The following PRRC2B variants were observed in gnomAD, a reference collection of about 807,000 sequenced individuals.
PRRC2B encodes the protein protein PRRC2B.
In PRRC2B, 68 loss-of-function variants were observed where a neutral mutation model predicts 242.3. That is an observed-to-expected ratio of 0.28 (90% CI 0.23 to 0.34). The LOEUF is 0.34. Among genes scored for constraint, PRRC2B ranks in the 10% least tolerant of loss-of-function variants. PRRC2B has a pLI of 1.00. For synonymous variants in PRRC2B, 1,228 were observed against 1,173.6 expected (o/e 1.05, Z -0.95); for missense variants, 2,835 against 2,954.8 (o/e 0.96, Z 0.94).
chr9:131,478,068 C>A, intron 17 of PRRC2B, 119 bp downstream of exon 17: 1 of 852,940 alleles, frequency 1.2e-6, no homozygotes, highest in Non-Finnish European at 1.8e-6. Flanking sequence ...ACAGCTCGGC[C>A]AGGCCCTGGG....
chr9:131,464,147 G>C (rs1943324522), intron 11 of PRRC2B, among the ~76,000 whole-genome samples: 1 of 152,128 alleles, frequency 6.6e-6, no homozygotes, highest in Admixed American at 6.5e-5. Context: ...TCACCATGTT[G>C]GCCAGGCTGG....
chr9:131,457,245 G>A (rs993552219), intron 10 of PRRC2B, among the ~76,000 whole-genome samples: 11 of 152,224 alleles, frequency 7.2e-5, no homozygotes, highest in African/African-American at 2.7e-4. Context: ...CTATGGGTCA[G>A]TTCCTGGAAC....
chr9:131,478,641 G>A (rs1212266898), intron 18 of PRRC2B, 22 bp downstream of exon 18: 2 of 555,082 alleles, frequency 3.6e-6, no homozygotes, highest in Non-Finnish European at 3.4e-6. Context: ...AGGGTGGGGG[G>A]GCATGGGGCT....
At chr9:131,453,074 G>A (rs894522945) in intron 9 of PRRC2B, among the ~76,000 whole-genome samples, 1 of 152,108 alleles carries the variant, frequency 6.6e-6, no homozygotes, top group Non-Finnish European at 1.5e-5. Context: ...AATACTGTTG[G>A]TTTCTGCTTC....
chr9:131,395,297 C>T (rs1200060259), intron 1 of PRRC2B, among the ~76,000 whole-genome samples: 1 of 151,936 alleles, frequency 6.6e-6, no homozygotes, highest in Non-Finnish European at 1.5e-5. Flanking sequence ...GTTTAGTGTG[C>T]ATTTGATGTG....
chr9:131,421,069 A>T (rs550641348), intron 1 of PRRC2B, among the ~76,000 whole-genome samples: 5 of 152,348 alleles, frequency 3.3e-5, no homozygotes, highest in African/African-American at 1.2e-4. Context: ...GGCTACTTCC[A>T]TGCTACGACG....
intron 15 of PRRC2B, among the ~76,000 whole-genome samples, 189 bp from the exon 16 acceptor site, chr9:131,474,265 T>C (rs1247387012): frequency 1.3e-5 from 2 of 152,248 alleles, no homozygotes; most frequent in Non-Finnish European, 2.9e-5. Context: ...TGTTTAAAGA[T>C]AGAACAAATG....
chr9:131,400,323 TTC>T (rs1407410528), intron 1 of PRRC2B, among the ~76,000 whole-genome samples: 1 of 151,824 alleles, frequency 6.6e-6, no homozygotes, highest in African/African-American at 2.4e-5. Context: ...TTTCTTTTCT[TTC>T]TTTTTTTTTT....
rs1255648598 is a variant in PRRC2B, at chr9:131,495,980, G to A, written c.*106G>A. 2.4e-5 allele frequency: 35 copies of A among 1,480,040 alleles called. No homozygotes were observed. Among genetic ancestry groups the A allele is most frequent in the Admixed American group, 2.1e-4 (11 of 52,070 alleles). The allele number at this position is 1,480,040 out of a possible 1,614,324, so 91.7% of individuals were successfully genotyped here. On this transcript the variant is annotated 3_prime_UTR_variant, in exon 32 of 32. Coordinates refer to ENST00000683519, the MANE Select transcript of PRRC2B (RefSeq NM_013318.4). ...CTCACCAGATCCACCGTCCAAATGC[G>A]TGGCCCAGACTGAGAGACCTCCCTC... is the stretch of plus-strand genomic sequence containing the variant.
At chr9:131,472,854 CCTTTT>C (rs1168039795) in intron 14 of PRRC2B, among the ~76,000 whole-genome samples, 23 of 152,286 alleles carry the variant, frequency 1.5e-4, no homozygotes, top group African/African-American at 4.1e-4. Context: ...TCTTTCTGTG[CCTTTT>C]CTTCTAATTC....
rs192579223 is a variant in PRRC2B at position 131,387,967 on chromosome 9, G to C, written c.-56+14236G>C. ...GCACTTTGGGAGGCCCAGGTGGGTG[G>C]ATCACTTGAGGCCAGGAGTTCAAGA... On this transcript the variant is annotated intron_variant, in intron 1 of 1. Transcript: ENST00000682525. Among the ~76,000 whole-genome samples the C allele has an allele frequency of 2.4e-3, 365 of 150,704 alleles. 15 individuals carry two copies. The highest frequency in any genetic ancestry group is 2.2e-3 in the Non-Finnish European group (149 of 67,616).
chr9:131,441,980 ATT>A (rs56236140), intron 5 of PRRC2B, among the ~76,000 whole-genome samples: 27 of 151,532 alleles, frequency 1.8e-4, no homozygotes, highest in African/African-American at 3.1e-4. Context: ...TTGGTGTGAG[ATT>A]TTTTTTTTTC....
At chr9:131,411,020 C>G (rs1288127551) in intron 1 of PRRC2B, among the ~76,000 whole-genome samples, 1 of 152,080 alleles carries the variant, frequency 6.6e-6, no homozygotes, top group Non-Finnish European at 1.5e-5. Context: ...CTCTGGGAGG[C>G]CGAGGAGGGC....
intron 3 of PRRC2B, among the ~76,000 whole-genome samples, chr9:131,435,525 G>C (rs1009724246): frequency 6.6e-6 from 1 of 151,548 alleles, no homozygotes; most frequent in Non-Finnish European, 1.5e-5. Flanking sequence ...TGAGGCAGGA[G>C]AATCGCTTGA....
chr9:131,467,410 T>C (rs761709186), intron 12 of PRRC2B, among the ~76,000 whole-genome samples, 153 bp from the exon 13 acceptor site: 1 of 152,196 alleles, frequency 6.6e-6, no homozygotes, highest in Non-Finnish European at 1.5e-5. Flanking sequence ...CTTGTGTACG[T>C]GATGCGTTTG....
At position 131,432,880 on chromosome 9, in the gene PRRC2B, C is replaced by T. The variant is rs1039413880; in HGVS notation, c.293+86C>T. ...TTCCCTGTGGCAAACTAACCCTAACCCTTTGGCTACTGCAGCGCTAGTCTT... is the reference window on the plus strand; with the variant it reads ...TTCCCTGTGGCAAACTAACCCTAACTCTTTGGCTACTGCAGCGCTAGTCTT... On this transcript the variant is annotated intron_variant, in intron 3 of 31. Coordinates refer to ENST00000683519, the MANE Select transcript of PRRC2B (RefSeq NM_013318.4). 2.9e-6 allele frequency: 4 copies of T among 1,369,410 alleles called. No individual in the cohort carries two copies. In the African/African-American group the frequency reaches 5.8e-5, roughly 20 times the overall value. 84.8% of individuals were successfully genotyped at this position (1,369,410 alleles called of 1,614,324 possible).
intron 30 of PRRC2B, among the ~76,000 whole-genome samples, chr9:131,492,816 C>T (rs2131487197): frequency 1.3e-5 from 2 of 152,354 alleles, no homozygotes; most frequent in Middle Eastern, 6.8e-3. Flanking sequence ...ACTCAGGTGG[C>T]TCTGTCGGAT....
intron 13 of PRRC2B, among the ~76,000 whole-genome samples, chr9:131,469,916 G>A (rs1943493496): frequency 6.6e-6 from 1 of 152,222 alleles, no homozygotes; most frequent in African/African-American, 2.4e-5. Flanking sequence ...GTTACCAGCA[G>A]TAAAATCCAT....
At chr9:131,438,877 G>A (rs370658647) in intron 4 of PRRC2B, 112 bp from the exon 5 acceptor site, 27 of 781,940 alleles carry the variant, frequency 3.5e-5, no homozygotes, top group African/African-American at 2.4e-4. Flanking sequence ...GGATGGATCC[G>A]TATAGGGTTT....
Sources: allele counts gnomAD v4.1 joint callset (sites outside exome capture counted in the v4.1 genomes callset), GRCh38; gene constraint gnomAD v4.1.1; transcripts MANE v1.5; gene names NCBI Gene and HGNC (gene_info 2026-07-23, HGNC 2026-07-21).